RGS7: variants seen among roughly 807,000 people sequenced by gnomAD.
The protein encoded by RGS7 is regulator of G-protein signaling 7.
RGS7 carries 27 observed loss-of-function variants against 81.1 expected under a neutral mutation model. The ratio of observed to expected loss-of-function variants is 0.33; its 90% confidence interval spans 0.25 to 0.46. The LOEUF (loss-of-function observed/expected upper bound fraction) is 0.46. Among genes scored for constraint, RGS7 ranks in the 20% least tolerant of loss-of-function variants. The pLI is 1.00. For missense variants in RGS7, 396 were observed against 607.4 expected (o/e 0.65, Z 3.66); for synonymous variants, 208 against 207.7 (o/e 1.00, Z -0.01).
chr1:240,887,554 C>A (rs1297222747), intron 6 of RGS7, among the ~76,000 whole-genome samples: 1 of 152,044 alleles, frequency 6.6e-6, no homozygotes, highest in Non-Finnish European at 1.5e-5. Flanking sequence ...AGTGAGATAC[C>A]ACAGGGTTGG....
intron 3 of RGS7, among the ~76,000 whole-genome samples, chr1:240,987,301 T>G (rs12743561): frequency 0.01 from 1,540 of 152,308 alleles, 14 homozygotes; most frequent in Non-Finnish European, 0.017. Flanking sequence ...TAGTGAAAAC[T>G]TGAGCTCTTA....
chr1:240,968,445 T>C (rs1159124626), intron 4 of RGS7, among the ~76,000 whole-genome samples: 5 of 152,142 alleles, frequency 3.3e-5, no homozygotes, highest in Non-Finnish European at 5.9e-5. Context: ...TATAATGTAC[T>C]GTAATGGGCC....
chr1:240,834,209 CG>C (rs1694307212), intron 9 of RGS7, among the ~76,000 whole-genome samples: 1 of 152,194 alleles, frequency 6.6e-6, no homozygotes, highest in Non-Finnish European at 1.5e-5. Context: ...CTAAGTCCTA[CG>C]CACAAACTGA....
At chr1:240,897,338 G>A (rs1558432013) in intron 6 of RGS7, among the ~76,000 whole-genome samples, 1 of 152,208 alleles carries the variant, frequency 6.6e-6, no homozygotes, top group East Asian at 1.9e-4. Context: ...AATGGTGAGA[G>A]AGGGCATCCC....
chr1:241,333,061 T>C (rs2082057612), intron 2 of RGS7, among the ~76,000 whole-genome samples: 1 of 152,234 alleles, frequency 6.6e-6, no homozygotes, highest in South Asian at 2.1e-4. Context: ...CAAGGTCTTA[T>C]TTTGTTTTTG....
chr1:240,797,141 T>A (rs1199127028), intron 18 of RGS7, among the ~76,000 whole-genome samples: 1 of 152,150 alleles, frequency 6.6e-6, no homozygotes, highest in African/African-American at 2.4e-5. Context: ...CTTCAGTCAG[T>A]GAAGAACTGT....
chr1:241,159,464 T>A (rs975259545), intron 2 of RGS7, among the ~76,000 whole-genome samples: 2 of 152,064 alleles, frequency 1.3e-5, no homozygotes, highest in African/African-American at 4.8e-5. Context: ...CTTTCCAAAT[T>A]CTCCAGGGAA....
chr1:240,873,871 C>CT lies in RGS7; in HGVS notation c.386-3753dup, dbSNP rs368456739. 7.2e-3 allele frequency among the ~76,000 whole-genome samples: 1,077 copies of CT among 149,930 alleles called. 11 individuals carry two copies. Among genetic ancestry groups the CT allele is most frequent in the African/African-American group, 0.025 (1,027 of 40,896 alleles). ...AATTAACTTACATTGTCATGCTATT[C>CT]TTTTTTTTTTCTCTTTTAATGTTTA... On this transcript the variant is annotated intron_variant, in intron 6 of 18. Coordinates refer to ENST00000440928, the MANE Select transcript of RGS7 (RefSeq NM_001364886.1).
chr1:241,149,281 C>A (rs375737205), intron 2 of RGS7, among the ~76,000 whole-genome samples: 118 of 152,224 alleles, frequency 7.8e-4, no homozygotes, highest in African/African-American at 2.7e-3. Context: ...ATTCTCCTGC[C>A]CCAGTATCCC....
intron 2 of RGS7, among the ~76,000 whole-genome samples, chr1:241,133,412 T>G (rs2067266211): frequency 6.6e-6 from 1 of 151,944 alleles, no homozygotes; most frequent in African/African-American, 2.4e-5. Flanking sequence ...TACCTTAAAT[T>G]TATTAATGGG....
intron 2 of RGS7, among the ~76,000 whole-genome samples, chr1:241,131,797 G>A (rs1004830433): frequency 6.6e-6 from 1 of 151,302 alleles, no homozygotes; most frequent in East Asian, 2.0e-4. Flanking sequence ...AAACAAAAAA[G>A]CAATAAACTT....
chr1:240,941,662 A>G (rs903914454), intron 4 of RGS7, among the ~76,000 whole-genome samples: 1 of 152,042 alleles, frequency 6.6e-6, no homozygotes, highest in African/African-American at 2.4e-5. Context: ...GATAAATGCC[A>G]GTAAGAATGG....
intron 2 of RGS7, among the ~76,000 whole-genome samples, chr1:241,292,954 A>G (rs1573536480): frequency 6.6e-6 from 1 of 152,374 alleles, no homozygotes; most frequent in East Asian, 1.9e-4. Context: ...ATGTTCTCAA[A>G]TACCATTAAA....
At position 240,868,056 on chromosome 1, in the gene RGS7, A is replaced by G. The variant is rs2148016482; in HGVS notation, c.609+531T>C. Among the ~76,000 whole-genome samples the G allele has an allele frequency of 6.6e-6, 1 of 151,520 alleles. No homozygotes were observed. The highest frequency in any genetic ancestry group is 1.5e-5 in the Non-Finnish European group (1 of 67,848). On this transcript the variant is annotated intron_variant, in intron 9 of 18. Coordinates refer to ENST00000440928, the MANE Select transcript of RGS7 (RefSeq NM_001364886.1). This position sits in a 1 kb window ranked among gnomAD's most constrained non-coding sequence, Gnocchi z 5.1. ...AAGAAGAGAAAAGAAAGAAAGAAAG[A>G]AAGAAAAGAAGAGAAAAGAAAGAAA... is the stretch of plus-strand genomic sequence containing the variant.
At chr1:241,288,965 C>G (rs2078959089) in intron 2 of RGS7, among the ~76,000 whole-genome samples, 1 of 151,478 alleles carries the variant, frequency 6.6e-6, no homozygotes, top group African/African-American at 2.4e-5. Flanking sequence ...CAGCCTAAAC[C>G]AAAACGACTC....
intron 3 of RGS7, among the ~76,000 whole-genome samples, chr1:240,999,399 A>G (rs1181436874): frequency 6.6e-6 from 1 of 152,124 alleles, no homozygotes; most frequent in Non-Finnish European, 1.5e-5. Flanking sequence ...CCAACCTCAT[A>G]ATGTCTTAAG....
intron 3 of RGS7, among the ~76,000 whole-genome samples, chr1:241,056,872 G>T (rs1572478997): frequency 6.6e-6 from 1 of 152,132 alleles, no homozygotes; most frequent in East Asian, 1.9e-4. Context: ...CATAAATAAA[G>T]CCATTTACTT....
At chr1:240,804,876 C>A (rs1297096171) in intron 15 of RGS7, among the ~76,000 whole-genome samples, 1 of 152,136 alleles carries the variant, frequency 6.6e-6, no homozygotes, top group Non-Finnish European at 1.5e-5. Flanking sequence ...TTGCTGATTT[C>A]TTTAAATGAA....
chr1:241,171,844 AAAC>A (rs774724185), intron 2 of RGS7, among the ~76,000 whole-genome samples: 2 of 152,190 alleles, frequency 1.3e-5, no homozygotes, highest in African/African-American at 2.4e-5. Context: ...GCAGGTGAAA[AAAC>A]AAAACAAAAC....
Sources: gnomAD v4.1 joint callset for allele counts (sites outside exome capture counted in the v4.1 genomes callset) on GRCh38, gnomAD v4.1.1 for gene constraint, Gnocchi (gnomAD v3.1) non-coding constraint, MANE v1.5 for transcripts, NCBI Gene and HGNC (gene_info 2026-07-23, HGNC 2026-07-21) for gene names.